The following PLCH1 variants were observed in gnomAD, a reference collection of about 807,000 sequenced individuals.
PLCH1 encodes the protein 1-phosphatidylinositol 4,5-bisphosphate phosphodiesterase eta-1.
Under a neutral mutation model 126.7 loss-of-function variants are expected in PLCH1, and 60 were observed. The ratio of observed to expected loss-of-function variants is 0.47; its 90% CI spans 0.38 to 0.59. PLCH1 has a LOEUF of 0.59. Ranked by LOEUF, PLCH1 falls within the 20% of genes least tolerant of loss-of-function variation. The pLI is 0.00. For synonymous variants in PLCH1, 719 were observed against 734.9 expected (o/e 0.98, Z 0.35); for missense variants, 1,723 against 2,040.0 (o/e 0.84, Z 2.99).
At chr3:155,599,475 A>C (rs956387347) in intron 2 of PLCH1, among the ~76,000 whole-genome samples, 2 of 152,196 alleles carry the variant, frequency 1.3e-5, no homozygotes, top group Non-Finnish European at 2.9e-5. Flanking sequence ...TGATTCCATG[A>C]GCTAGATAAA....
intron 1 of PLCH1, among the ~76,000 whole-genome samples, chr3:155,740,549 A>T (rs1017047086): frequency 6.6e-6 from 1 of 152,112 alleles, no homozygotes. Flanking sequence ...GGAAATAGCA[A>T]ATCTAGGGCA....
rs574599479 is a variant in PLCH1, at chr3:155,546,165, A to C, written c.1362+3622T>G. Among the ~76,000 whole-genome samples, 1,084 of 152,312 alleles carry C rather than the reference A, an allele frequency of 7.1e-3. 12 individuals carry two copies. The highest frequency in any genetic ancestry group is 0.024 in the African/African-American group (1,010 of 41,558). On this transcript the variant is annotated intron_variant, in intron 10 of 22. Coordinates refer to ENST00000460012, the MANE Select transcript of PLCH1 (RefSeq NM_014996.4). ...CATTGTCTCAGCCCAAAATCTCCTT[A>C]AGCTGATAAGCAACTTCAGCAAAGT...
Position 155,488,055 on chromosome 3 carries a change from G to A in PLCH1, c.2592C>T (p.His864=). 6.2e-7 allele frequency: 1 copy of A among 1,602,434 alleles called. No homozygotes were observed. The highest frequency in any genetic ancestry group is 8.6e-7 in the Non-Finnish European group (1 of 1,169,350). Residue 864 remains histidine (H), a synonymous_variant, in exon 21 of 23, where the codon CAC becomes CAT. Coordinates refer to ENST00000460012, the MANE Select transcript of PLCH1 (RefSeq NM_014996.4). ...EGLTEASIFV[H]ITINEIYGKN... ...TTCCATAGATTTCATTGATGGTTAT[G>A]TGTACAAATATGGATGCTTCTGTCA...
At chr3:155,694,001 T>C (rs1452958135) in intron 2 of PLCH1, among the ~76,000 whole-genome samples, 1 of 152,228 alleles carries the variant, frequency 6.6e-6, no homozygotes, top group Non-Finnish European at 1.5e-5. Context: ...ATGATTCTTC[T>C]ATATTTTCCT....
chr3:155,483,218 T>C, intron 22 of PLCH1, 167 bp from the exon 23 acceptor site: 2 of 878,552 alleles, frequency 2.3e-6, no homozygotes, highest in Non-Finnish European at 1.8e-6. Flanking sequence ...GTGTGATGAA[T>C]AAATGGTAAA....
At chr3:155,593,750 T>A (rs1732508642) in intron 4 of PLCH1, among the ~76,000 whole-genome samples, 191 bp downstream of exon 4, 1 of 152,174 alleles carries the variant, frequency 6.6e-6, no homozygotes, top group South Asian at 2.1e-4. Context: ...CAAGCTTAAG[T>A]GTCCATACAT....
At chr3:155,461,096 C>T (rs566339591) in intron 21 of PLCH1, among the ~76,000 whole-genome samples, 16 of 152,284 alleles carry the variant, frequency 1.1e-4, no homozygotes, top group Admixed American at 3.3e-4. Flanking sequence ...GTTAATTCTA[C>T]TGTCTATAAT....
At chr3:155,713,167 A>G (rs1747271595) in intron 1 of PLCH1, among the ~76,000 whole-genome samples, 2 of 152,112 alleles carry the variant, frequency 1.3e-5, no homozygotes, top group South Asian at 4.1e-4. Context: ...CCGCTTCCCT[A>G]TAAAAAGAAC....
intron 21 of PLCH1, chr3:155,487,255 A>G (rs1465679906): frequency 6.6e-6 from 1 of 152,220 alleles, no homozygotes; most frequent in Non-Finnish European, 1.5e-5. Context: ...TGAGATAGGT[A>G]TTATTTTTAT....
intron 2 of PLCH1, among the ~76,000 whole-genome samples, chr3:155,603,354 G>T (rs1733978145): frequency 6.6e-6 from 1 of 151,274 alleles, no homozygotes; most frequent in Non-Finnish European, 1.5e-5. Context: ...TAAGGAAAGG[G>T]AGATTTCCTA....
At position 155,606,692 on chromosome 3, in the gene PLCH1, G is replaced by A. The variant is rs146409852; in HGVS notation, c.80-10314C>T. Among the ~76,000 whole-genome samples, 771 of 152,302 alleles carry A rather than the reference G, an allele frequency of 5.1e-3. 8 individuals carry two copies. Among genetic ancestry groups the A allele is most frequent in the African/African-American group, 0.018 (735 of 41,556 alleles). ...AAACATGCTCTTGGGCATGAAGAAGGTATTGAATGGGGGAATAGGCTGATA... is the reference window on the plus strand; with the variant it reads ...AAACATGCTCTTGGGCATGAAGAAGATATTGAATGGGGGAATAGGCTGATA... On this transcript the variant is annotated intron_variant, in intron 2 of 22. Transcript: ENST00000460012.
intron 2 of PLCH1, among the ~76,000 whole-genome samples, chr3:155,695,790 T>C (rs982440363): frequency 1.3e-5 from 2 of 152,220 alleles, no homozygotes; most frequent in Non-Finnish European, 2.9e-5. Flanking sequence ...AAAAGGCTTC[T>C]CCTTTGAGAG....
chr3:155,514,870 A>G lies in PLCH1; in HGVS notation c.1485T>C (p.Thr495=), dbSNP rs778932515. The change falls in exon 12 of 23, where the codon ACT becomes ACC. Residue 495 remains threonine, a synonymous_variant. Transcript: ENST00000460012. ...KFKLHYSNGT[T]EHQVESFIRK... is the part of the protein sequence containing the mutation. ...TTATGAAAGATTCCACCTGATGCTC[A>G]GTGGTCCCATTACTCTGCAAAGAAT... 2 of 1,605,236 alleles carry G rather than the reference A, an allele frequency of 1.2e-6. No homozygotes were observed. The highest frequency in any genetic ancestry group is 1.1e-5 in the South Asian group (1 of 90,272).
intron 10 of PLCH1, among the ~76,000 whole-genome samples, chr3:155,538,603 C>A (rs953683628): frequency 6.6e-6 from 1 of 152,028 alleles, no homozygotes; most frequent in African/African-American, 2.4e-5. Flanking sequence ...AAAGTTCATT[C>A]AAGGATACTA....
At chr3:155,659,751 G>A (rs993591337) in intron 2 of PLCH1, among the ~76,000 whole-genome samples, 12 of 151,846 alleles carry the variant, frequency 7.9e-5, no homozygotes, top group South Asian at 6.3e-4. Flanking sequence ...CAGCCACCTC[G>A]GCCTCCCAAA....
At chr3:155,454,765 GCTT>G (rs909981216) in intron 21 of PLCH1, among the ~76,000 whole-genome samples, 6 of 152,158 alleles carry the variant, frequency 3.9e-5, no homozygotes, top group Admixed American at 1.3e-4. Flanking sequence ...AGAAGTCAAA[GCTT>G]TTTTTAATTA....
chr3:155,709,897 T>C (rs538642338), intron 1 of PLCH1, among the ~76,000 whole-genome samples: 1 of 152,174 alleles, frequency 6.6e-6, no homozygotes, highest in South Asian at 2.1e-4. Flanking sequence ...GGATTACAGA[T>C]GCCAGCCATC....
chr3:155,729,464 G>C (rs552114416), intron 1 of PLCH1, among the ~76,000 whole-genome samples: 1 of 152,312 alleles, frequency 6.6e-6, no homozygotes, highest in Admixed American at 6.5e-5. Context: ...CAAAGGATGA[G>C]TAGGTTTAAA....
intron 1 of PLCH1, among the ~76,000 whole-genome samples, chr3:155,706,130 C>A (rs1486104742): frequency 7.6e-6 from 1 of 131,702 alleles, no homozygotes; most frequent in African/African-American, 2.9e-5. Flanking sequence ...GGTGAGACAG[C>A]GCCACTGCAC....
Sources: gnomAD v4.1 joint callset for allele counts (sites outside exome capture counted in the v4.1 genomes callset) on GRCh38, gnomAD v4.1.1 for gene constraint, MANE v1.5 for transcripts, NCBI Gene and HGNC (gene_info 2026-07-23, HGNC 2026-07-21) for gene names.